Variants in WAC observed in about 807,000 individuals in gnomAD.
The protein encoded by WAC is WW domain containing adaptor with coiled-coil, also known as WW domain-containing adapter protein with coiled-coil.
A neutral mutation model predicts 79.6 loss-of-function variants in WAC; 11 were observed. The ratio of observed to expected loss-of-function variants is 0.14; its 90% CI spans 0.09 to 0.23. WAC has a LOEUF of 0.23. WAC is among the 10% of genes least tolerant of loss of function. The pLI, the probability that WAC is intolerant of heterozygous loss-of-function variation, is 1.00. For synonymous variants in WAC, 304 were observed against 276.9 expected, an observed-to-expected ratio of 1.10 and a Z score of -0.97; for missense variants, 728 against 773.5, an observed-to-expected ratio of 0.94 and a Z score of 0.70.
At chr10:28,552,503 G>T (rs1837736809) in intron 3 of WAC, among the ~76,000 whole-genome samples, 1 of 152,144 alleles carries the variant, frequency 6.6e-6, no homozygotes, top group Non-Finnish European at 1.5e-5. Context: ...CTTGTGTTTT[G>T]TGTAGTTTTA....
intron 10 of WAC, 101 bp downstream of exon 10, chr10:28,612,023 G>T (rs1158662170): frequency 4.1e-5 from 57 of 1,397,598 alleles, no homozygotes; most frequent in Non-Finnish European, 5.4e-5. Context: ...TGAGAATGAG[G>T]TGTAGTGGTG....
intron 3 of WAC, among the ~76,000 whole-genome samples, chr10:28,575,229 CAGTT>C (rs909851394): frequency 1.3e-5 from 2 of 152,152 alleles, no homozygotes; most frequent in African/African-American, 4.8e-5. Flanking sequence ...TAGTGCCCAA[CAGTT>C]AGTTTTTCAA....
intron 7 of WAC, among the ~76,000 whole-genome samples, chr10:28,604,026 A>G (rs1182301457): frequency 7.1e-6 from 1 of 140,660 alleles, no homozygotes; most frequent in Non-Finnish European, 1.5e-5. Context: ...AAGTACACTG[A>G]TTTTTTTTAA....
intron 8 of WAC, chr10:28,608,653 A>G (rs1841077251): frequency 1.9e-6 from 1 of 516,480 alleles, no homozygotes; most frequent in African/African-American, 1.9e-5. Context: ...GATCTTGTGT[A>G]TATTTTTCAA....
At chr10:28,583,558 A>AC in intron 4 of WAC, 53 bp downstream of exon 4, 1 of 1,316,134 alleles carries the variant, frequency 7.6e-7, no homozygotes, top group Non-Finnish European at 1.0e-6. Context: ...TTTGCAAAAA[A>AC]AAAAAAAAAA....
rs534404120 is a variant in WAC, at chr10:28,533,806, C to T, written c.41+186C>T. 10 of 990,542 alleles carry T rather than the reference C, an allele frequency of 1.0e-5. No individual in the cohort carries two copies. The East Asian group carries it at 1.5e-4, about 15-fold the overall frequency. The allele number at this position is 990,542 out of a possible 1,614,324, so 61.4% of individuals were successfully genotyped here. A position where few individuals can be genotyped will look rare whatever the true frequency, so the allele number is the denominator to read the frequency against. Reference sequence around the variant, plus strand: ...CGCAGTGTGGCGGGGAGCGGGGGCCCGGCTTCGCGGCATTTCGCCCTCTCC... The same window carrying T: ...CGCAGTGTGGCGGGGAGCGGGGGCCTGGCTTCGCGGCATTTCGCCCTCTCC... On this transcript the variant is annotated intron_variant, in intron 1 of 13. Transcript: ENST00000354911.
chr10:28,596,377 A>G (rs543380740), intron 7 of WAC, among the ~76,000 whole-genome samples: 1 of 152,296 alleles, frequency 6.6e-6, no homozygotes, highest in South Asian at 2.1e-4. Context: ...TAGTTTATAA[A>G]TCGTCTCAGT....
intron 8 of WAC, among the ~76,000 whole-genome samples, chr10:28,609,025 A>G (rs2132813301): frequency 6.6e-6 from 1 of 152,344 alleles, no homozygotes; most frequent in Non-Finnish European, 1.5e-5. Flanking sequence ...TTGAAAAAGT[A>G]TGAATAAAAG....
chr10:28,580,568 C>T (rs1320844618), intron 3 of WAC, among the ~76,000 whole-genome samples: 1 of 152,056 alleles, frequency 6.6e-6, no homozygotes, highest in Non-Finnish European at 1.5e-5. Context: ...TAATGGATTA[C>T]TCTGGGATTT....
intron 3 of WAC, among the ~76,000 whole-genome samples, chr10:28,560,067 C>G (rs1474937023): frequency 6.6e-6 from 1 of 152,112 alleles, no homozygotes; most frequent in African/African-American, 2.4e-5. Flanking sequence ...TAAGGCCAGG[C>G]GTGGTGGCTC....
At chr10:28,615,492 G>A (rs934500836) in intron 11 of WAC, 1 of 152,120 alleles carries the variant, frequency 6.6e-6, no homozygotes, top group Non-Finnish European at 1.5e-5. Context: ...AATATCCTCA[G>A]TGATGAAAAC....
At chr10:28,611,671 G>T (rs1032448861) in intron 9 of WAC, 103 bp from the exon 10 acceptor site, 7 of 1,436,648 alleles carry the variant, frequency 4.9e-6, no homozygotes, top group East Asian at 2.3e-5. Context: ...GGGTGGGGGG[G>T]TTTAGAGTAA....
chr10:28,561,305 T>G (rs959140688), intron 3 of WAC, among the ~76,000 whole-genome samples: 1 of 152,168 alleles, frequency 6.6e-6, no homozygotes, highest in Non-Finnish European at 1.5e-5. Context: ...CAATTACACA[T>G]AAAGGAAGCC....
intron 9 of WAC, 129 bp downstream of exon 9, chr10:28,610,950 ATT>A: frequency 2.7e-6 from 3 of 1,130,560 alleles, no homozygotes; most frequent in East Asian, 2.7e-5. Flanking sequence ...AGCTACAATA[ATT>A]TTGTTTTTTT....
chr10:28,563,629 G>T (rs906320726), intron 3 of WAC, among the ~76,000 whole-genome samples: 7 of 151,904 alleles, frequency 4.6e-5, no homozygotes, highest in Non-Finnish European at 8.8e-5. Context: ...ACCCAGGCTG[G>T]AGTGCAGTGG....
At chr10:28,596,430 A>G (rs772544890) in intron 7 of WAC, among the ~76,000 whole-genome samples, 2 of 152,174 alleles carry the variant, frequency 1.3e-5, no homozygotes, top group Non-Finnish European at 2.9e-5. Flanking sequence ...TTTAAAACTA[A>G]TGTCTGTATA....
At chr10:28,593,210 GTAA>G (rs892356747) in intron 6 of WAC, among the ~76,000 whole-genome samples, 4 of 152,086 alleles carry the variant, frequency 2.6e-5, no homozygotes, top group African/African-American at 9.7e-5. Context: ...GGTCAACTTA[GTAA>G]TAAAGTGAAT....
At chr10:28,574,334 G>A (rs1839133190) in intron 3 of WAC, among the ~76,000 whole-genome samples, 1 of 152,120 alleles carries the variant, frequency 6.6e-6, no homozygotes, top group Non-Finnish European at 1.5e-5. Flanking sequence ...TTTTAGTAGA[G>A]GCGGGGTTTC....
At chr10:28,559,136 ATG>A (rs111740298) in intron 3 of WAC, among the ~76,000 whole-genome samples, 2,299 of 146,736 alleles carry the variant, frequency 0.016, 27 homozygotes, top group Non-Finnish European at 0.024. Flanking sequence ...GAGAAACCTG[ATG>A]TGTGTGTGTG....
Sources: allele counts gnomAD v4.1 joint callset (sites outside exome capture counted in the v4.1 genomes callset), GRCh38; gene constraint gnomAD v4.1.1; transcripts MANE v1.5; gene names NCBI Gene and HGNC (gene_info 2026-07-23, HGNC 2026-07-21).